Variants in HGSNAT observed in about 807,000 individuals in gnomAD.
HGSNAT encodes transmembrane protein 76.
A neutral mutation model predicts 85.2 loss-of-function variants in HGSNAT; 59 were observed. That is an observed-to-expected ratio of 0.69 (90% confidence interval 0.56 to 0.86). The LOEUF (loss-of-function observed/expected upper bound fraction) is 0.86, where lower values mean the gene tolerates loss of function less well. HGSNAT is among the 40% of genes least tolerant of loss of function. The pLI is 0.00. For missense variants in HGSNAT, 756 were observed against 777.1 expected, an observed-to-expected ratio of 0.97 and a Z score of 0.32; for synonymous variants, 321 against 304.5, an observed-to-expected ratio of 1.05 and a Z score of -0.56.
chr8:43,178,591 TTTC>T (rs1317609624), intron 10 of HGSNAT, among the ~76,000 whole-genome samples: 3 of 145,954 alleles, frequency 2.1e-5, no homozygotes, highest in Non-Finnish European at 4.5e-5. Flanking sequence ...TTTCATCAGC[TTTC>T]TTTTTTTTTT....
intron 2 of HGSNAT, among the ~76,000 whole-genome samples, chr8:43,156,379 C>G (rs1482424905): frequency 2.0e-5 from 3 of 152,100 alleles, no homozygotes; most frequent in African/African-American, 7.2e-5. Context: ...CATCTCGGCT[C>G]ACTGCAACCT....
chr8:43,182,088 C>G, intron 10 of HGSNAT, 57 bp from the exon 11 acceptor site: 1 of 1,286,926 alleles, frequency 7.8e-7, no homozygotes, highest in South Asian at 1.2e-5. Flanking sequence ...ATAATGTTGT[C>G]CTGGGATGAG....
chr8:43,197,675 C>G lies in HGSNAT; in HGVS notation c.1546C>G (p.Leu516Val). Residue 516 changes from leucine to valine, a missense_variant, in exon 16 of 18, where the codon CTC becomes GTC. Transcript: ENST00000379644. Reference protein sequence around the residue: ...RFTAWCCILGLISVALTKVSE... With the variant: ...RFTAWCCILGVISVALTKVSE... The stretch of plus-strand genomic sequence containing the variant: ...ATCCTTCTCTTCCCCATTACAGGGG[C>G]TCATTTCTGTTGCTCTGACGAAGGT... 1 of 1,610,974 alleles carries G rather than the reference C, an allele frequency of 6.2e-7. No homozygotes were observed. Among genetic ancestry groups the G allele is most frequent in the Admixed American group, 1.7e-5 (1 of 60,022 alleles).
intron 7 of HGSNAT, 21 bp from the exon 8 acceptor site, chr8:43,172,289 C>A (rs746567359): frequency 6.3e-7 from 1 of 1,580,622 alleles, no homozygotes; most frequent in South Asian, 1.1e-5. Context: ...TGAAAGGCTT[C>A]TCTTTGTTGG....
At chr8:43,170,737 A>T in intron 7 of HGSNAT, 43 bp downstream of exon 7, 1 of 1,222,976 alleles carries the variant, frequency 8.2e-7, no homozygotes, top group Non-Finnish European at 1.2e-6. Flanking sequence ...AGGTAGTCAC[A>T]GGACTACATA....
At chr8:43,196,695 C>A in intron 14 of HGSNAT, 1 of 595,172 alleles carries the variant, frequency 1.7e-6, no homozygotes, top group Non-Finnish European at 2.9e-6. Flanking sequence ...GTGCTCTGGC[C>A]TCACCTCTGT....
At chr8:43,157,661 C>T (rs1287311379) in intron 2 of HGSNAT, among the ~76,000 whole-genome samples, 1 of 151,994 alleles carries the variant, frequency 6.6e-6, no homozygotes, top group East Asian at 1.9e-4. Flanking sequence ...GCCTGTGGTC[C>T]CAGCTACTTG....
At chr8:43,145,846 C>G (rs576644478) in intron 1 of HGSNAT, among the ~76,000 whole-genome samples, 1 of 152,134 alleles carries the variant, frequency 6.6e-6, no homozygotes, top group East Asian at 1.9e-4. Context: ...AGGAAGCTTT[C>G]CCATTACAAA....
chr8:43,178,037 G>A, intron 9 of HGSNAT, 37 bp from the exon 10 acceptor site: 2 of 1,572,300 alleles, frequency 1.3e-6, no homozygotes, highest in South Asian at 1.1e-5. Flanking sequence ...CAAAAAATTT[G>A]GAAATGGCCA....
chr8:43,141,637 T>G (rs772839934), intron 1 of HGSNAT, among the ~76,000 whole-genome samples: 1 of 152,046 alleles, frequency 6.6e-6, no homozygotes, highest in Non-Finnish European at 1.5e-5. Flanking sequence ...TACGAAGTTT[T>G]AGTGTCTGTG....
chr8:43,145,202 A>G (rs964686136), intron 1 of HGSNAT, among the ~76,000 whole-genome samples: 3 of 152,198 alleles, frequency 2.0e-5, no homozygotes, highest in Admixed American at 6.5e-5. Context: ...AGAAAAGTGA[A>G]AAGAGAGGCT....
chr8:43,173,938 G>A lies in HGSNAT; in HGVS notation c.851+195G>A, dbSNP rs952977120. The A allele has an allele frequency of 3.5e-5, 18 of 517,668 alleles. 1 individual carries two copies. The highest frequency in any genetic ancestry group is 2.9e-4 in the South Asian group (11 of 38,462). The allele number at this position is 517,668 out of a possible 1,614,324, so 32.1% of individuals were successfully genotyped here. ...GTGTATAAAAGAGTGATTTGGGGCC[G>A]GGCGCGGTGGCTCACGCCTGTAATC... On this transcript the variant is annotated intron_variant, in intron 9 of 17. Transcript: ENST00000379644.
At chr8:43,161,559 C>T in intron 5 of HGSNAT, 52 bp downstream of exon 5, 2 of 1,381,762 alleles carry the variant, frequency 1.4e-6, no homozygotes, top group African/African-American at 2.9e-5. Context: ...AGAAATAACA[C>T]ATTCAGAAGG....
rs1438074334 is a variant in HGSNAT at position 43,159,458 on chromosome 8, C to T, written c.493+414C>T. Among the ~76,000 whole-genome samples, 4 of 151,940 alleles carry T rather than the reference C, an allele frequency of 2.6e-5. No individual in the cohort carries two copies. The South Asian group carries it at 8.3e-4, about 32-fold the overall frequency. ...CAAAAATTAGCTGGGCCTGGCGATGCGTGCCTGTAGTCCCAGCTACTTGGG... is the reference window on the plus strand; with the variant it reads ...CAAAAATTAGCTGGGCCTGGCGATGTGTGCCTGTAGTCCCAGCTACTTGGG... On this transcript the variant is annotated intron_variant, in intron 4 of 17. Transcript: ENST00000379644.
intron 4 of HGSNAT, 139 bp downstream of exon 4, chr8:43,159,183 TC>T (rs1563361824): frequency 1.5e-6 from 1 of 669,642 alleles, no homozygotes. Context: ...TGAGCACCAC[TC>T]CCCCCAAAAA....
chr8:43,175,497 A>G (rs566271869), intron 9 of HGSNAT, among the ~76,000 whole-genome samples: 6 of 141,870 alleles, frequency 4.2e-5, no homozygotes, highest in African/African-American at 1.3e-4. Context: ...ACCGTTTCAT[A>G]TTCGTGTTTG....
rs865880198 is a variant in HGSNAT at position 43,197,128 on chromosome 8, A to G, written c.1542+103A>G. 12 of 750,966 alleles carry G rather than the reference A, an allele frequency of 1.6e-5. No individual in the cohort carries two copies. In the East Asian group the frequency reaches 3.2e-4, roughly 20 times the overall value. 46.5% of individuals were successfully genotyped at this position (750,966 alleles called of 1,614,324 possible). A position where few individuals can be genotyped will look rare whatever the true frequency, so the allele number is the denominator to read the frequency against. On this transcript the variant is annotated intron_variant, in intron 15 of 17. Transcript: ENST00000379644. ...ACACTGAGCTAGCCATTGTCACCAC[A>G]TGGCAGCAGGTACCATTTTCTTCAC...
intron 1 of HGSNAT, among the ~76,000 whole-genome samples, chr8:43,146,732 T>C (rs1193467227): frequency 6.6e-6 from 1 of 151,754 alleles, no homozygotes; most frequent in African/African-American, 2.4e-5. Flanking sequence ...CCTGTGTGTG[T>C]GCACATGCAT....
intron 10 of HGSNAT, chr8:43,180,516 C>A (rs1804042467): frequency 1.0e-5 from 1 of 98,524 alleles, no homozygotes; most frequent in African/African-American, 4.0e-5. Flanking sequence ...GGCAGAGACG[C>A]TCCTCACTTC....
Sources: allele counts gnomAD v4.1 joint callset (sites outside exome capture counted in the v4.1 genomes callset), GRCh38; gene constraint gnomAD v4.1.1; transcripts MANE v1.5; gene names NCBI Gene and HGNC (gene_info 2026-07-23, HGNC 2026-07-21).